Variants in ASMTL observed in about 807,000 individuals in gnomAD.
ASMTL encodes acetylserotonin O-methyltransferase like, also known as probable bifunctional dTTP/UTP pyrophosphatase/methyltransferase protein.
A neutral mutation model predicts 60.3 loss-of-function variants in ASMTL; 57 were observed. The observed-to-expected ratio is 0.95, with a 90% CI of 0.76 to 1.18. ASMTL has a LOEUF of 1.18. ASMTL is among the 50% of genes most tolerant of loss of function. The probability of loss-of-function intolerance (pLI) is 0.00; values close to 1 mark genes in which losing one functional copy is unlikely to be tolerated. For synonymous variants in ASMTL, 419 were observed against 373.0 expected (o/e 1.12, Z -1.42); for missense variants, 981 against 852.6 (o/e 1.15, Z -1.88).
At chrX:1,405,070 GGATA>G (rs1475529014) in intron 12 of ASMTL, among the ~76,000 whole-genome samples, 2 of 151,894 alleles carry the variant, frequency 1.3e-5, no homozygotes, top group Non-Finnish European at 2.9e-5. Context: ...ATGAATGGAT[GGATA>G]GATGGATGCA....
At chrX:1,439,194 C>G (rs1389994849) in intron 2 of ASMTL, 50 bp from the exon 3 acceptor site, 2 of 1,601,908 alleles carry the variant, frequency 1.2e-6, no homozygotes, top group African/African-American at 2.7e-5. Context: ...GTGGGTCTCA[C>G]AGAGAAGTTT....
intron 1 of ASMTL, among the ~76,000 whole-genome samples, chrX:1,443,563 C>A (rs1299276741): frequency 6.6e-6 from 1 of 150,816 alleles, no homozygotes; most frequent in Non-Finnish European, 1.5e-5. Context: ...ATCTTGGACA[C>A]ACACCGCCAT....
At chrX:1,420,172 TCTCCGCCTCC>T (rs1569532602) in intron 9 of ASMTL, among the ~76,000 whole-genome samples, 5 of 151,918 alleles carry the variant, frequency 3.3e-5, no homozygotes, top group African/African-American at 1.2e-4. Context: ...CCTATCTCTG[TCTCCGCCTCC>T]CTCTGTCTCT....
intron 8 of ASMTL, among the ~76,000 whole-genome samples, chrX:1,424,950 CCA>C (rs1217209114): frequency 1.1e-4 from 2 of 18,930 alleles, no homozygotes; most frequent in Non-Finnish European, 1.9e-4. Context: ...ATCCATCTGT[CCA>C]TCCATCCATC....
At chrX:1,451,349 A>G (rs1402942600) in intron 1 of ASMTL, among the ~76,000 whole-genome samples, 1 of 87,364 alleles carries the variant, frequency 1.1e-5, no homozygotes, top group African/African-American at 4.6e-5. Flanking sequence ...TCCCCTCCCC[A>G]TTCCTTGGGG....
chrX:1,445,238 A>T (rs1292101245), intron 1 of ASMTL, among the ~76,000 whole-genome samples: 1 of 152,076 alleles, frequency 6.6e-6, no homozygotes, highest in Non-Finnish European at 1.5e-5. Context: ...TCCTCCTTAT[A>T]AAGAGGATTC....
chrX:1,412,724 G>T lies in ASMTL; in HGVS notation c.1645+8C>A, dbSNP rs1422764468. 2.5e-6 allele frequency: 4 copies of T among 1,613,912 alleles called. No individual in the cohort carries two copies. In the African/African-American group the frequency reaches 4.0e-5, roughly 16 times the overall value. On this transcript the variant is annotated splice_region_variant and intron_variant, in intron 12 of 12. Coordinates refer to ENST00000381317, the MANE Select transcript of ASMTL (RefSeq NM_004192.4). ...ACAAAAACAGCTAACCTGACGATGG[G>T]CTCTCACCTGGCTTGCAGCTCTCGG...
intron 10 of ASMTL, 74 bp downstream of exon 10, chrX:1,418,908 G>C: frequency 1.3e-6 from 2 of 1,579,812 alleles, no homozygotes; most frequent in South Asian, 2.2e-5. Context: ...CAGTTGGTAG[G>C]TGTCCTGAGC....
chrX:1,444,164 G>A (rs776640986), intron 1 of ASMTL, among the ~76,000 whole-genome samples: 17 of 150,832 alleles, frequency 1.1e-4, no homozygotes, highest in South Asian at 8.4e-4. Context: ...CCGAGCCTGC[G>A]AGAAGCCCCC....
chrX:1,410,450 TG>T (rs1156705088), intron 12 of ASMTL, among the ~76,000 whole-genome samples: 1 of 151,696 alleles, frequency 6.6e-6, no homozygotes, highest in Admixed American at 6.6e-5. Context: ...AGTCTTGCTG[TG>T]TTGCCCAGGC....
At chrX:1,405,545 G>T (rs755337140) in intron 12 of ASMTL, among the ~76,000 whole-genome samples, 2 of 121,658 alleles carry the variant, frequency 1.6e-5, no homozygotes, top group Non-Finnish European at 4.0e-5. Flanking sequence ...GTAGGTAGAC[G>T]GATGGATGGA....
At chrX:1,431,921 T>C in intron 6 of ASMTL, 1 of 288,370 alleles carries the variant, frequency 3.5e-6, no homozygotes, top group Non-Finnish European at 6.5e-6. Flanking sequence ...ATCACAGAGT[T>C]TATTCGTGTT....
At chrX:1,451,790 C>A (rs1395906382) in intron 1 of ASMTL, among the ~76,000 whole-genome samples, 1 of 143,738 alleles carries the variant, frequency 7.0e-6, no homozygotes, top group African/African-American at 2.6e-5. Context: ...CTGGAGGTCC[C>A]GGGTTACTCT....
At chrX:1,425,938 C>T (rs548201809) in intron 7 of ASMTL, among the ~76,000 whole-genome samples, 67 of 152,238 alleles carry the variant, frequency 4.4e-4, no homozygotes, top group African/African-American at 1.6e-3. Context: ...AACATGCTGC[C>T]GATATGGACT....
At position 1,418,123 on chromosome X, in the gene ASMTL, G is replaced by A. The variant is rs377161200; in HGVS notation, c.1379-7C>T. 6.3e-6 allele frequency: 10 copies of A among 1,589,062 alleles called. No individual in the cohort carries two copies. The highest frequency in any genetic ancestry group is 4.0e-5 in the African/African-American group (3 of 74,464). ...GCCAGTGCACCCGTGCAGCCTGCGG[G>A]GAAGCAAATGCATGCTCTGTGGCTG... On this transcript the variant is annotated splice_polypyrimidine_tract_variant and splice_region_variant and intron_variant, in intron 10 of 12. Transcript: ENST00000381317.
intron 6 of ASMTL, among the ~76,000 whole-genome samples, chrX:1,428,940 A>T (rs2090695913): frequency 6.6e-6 from 1 of 151,256 alleles, no homozygotes; most frequent in African/African-American, 2.4e-5. Context: ...TCTGTCGCCC[A>T]GGCTGGAGTG....
At chrX:1,424,130 A>C (rs2090548036) in intron 8 of ASMTL, among the ~76,000 whole-genome samples, 1 of 142,152 alleles carries the variant, frequency 7.0e-6, no homozygotes, top group African/African-American at 2.7e-5. Flanking sequence ...ACATCCATTT[A>C]TCCATTCATT....
At chrX:1,448,041 C>T (rs760939449) in intron 1 of ASMTL, among the ~76,000 whole-genome samples, 21 of 151,128 alleles carry the variant, frequency 1.4e-4, no homozygotes, top group African/African-American at 5.1e-4. Flanking sequence ...ACACCGCCAT[C>T]TTGGATAAGA....
chrX:1,445,352 C>T (rs1260710543), intron 1 of ASMTL, among the ~76,000 whole-genome samples: 4 of 152,170 alleles, frequency 2.6e-5, no homozygotes, highest in African/African-American at 9.7e-5. Flanking sequence ...ATTCCTATGT[C>T]CTCCTCTCTG....
Sources: allele counts gnomAD v4.1 joint callset (sites outside exome capture counted in the v4.1 genomes callset), GRCh38; gene constraint gnomAD v4.1.1; transcripts MANE v1.5; gene names NCBI Gene and HGNC (gene_info 2026-07-23, HGNC 2026-07-21).